The following NECTIN2 variants were observed in gnomAD, a reference collection of about 807,000 sequenced individuals.
NECTIN2 encodes the protein nectin cell adhesion molecule 2.
Under a neutral mutation model 56.9 loss-of-function variants are expected in NECTIN2, and 23 were observed. The observed-to-expected ratio is 0.40, with a 90% CI of 0.29 to 0.57. NECTIN2 has a LOEUF of 0.57. Among genes scored for constraint, NECTIN2 ranks in the 20% least tolerant of loss-of-function variants. NECTIN2 has a pLI of 0.38. For synonymous variants in NECTIN2, 302 were observed against 313.8 expected, an observed-to-expected ratio of 0.96 and a Z score of 0.40; for missense variants, 587 against 718.3, an observed-to-expected ratio of 0.82 and a Z score of 2.09.
In NECTIN2 at chr19:44,864,211, G is replaced by T. The variant is rs575217494; in HGVS notation, c.89-1060G>T. Among the ~76,000 whole-genome samples, 5 of 152,148 alleles carry T rather than the reference G, an allele frequency of 3.3e-5. No homozygotes were observed. In the East Asian group the frequency reaches 9.7e-4, roughly 30 times the overall value. On this transcript the variant is annotated intron_variant, in intron 1 of 8. Transcript: ENST00000252483. ...AAAAAATACAAATTAGCCAGGTGTG[G>T]TGGTACATGCCTGTAGTCCCAGCTT...
intron 3 of NECTIN2, among the ~76,000 whole-genome samples, chr19:44,872,805 TTA>T (rs1599921597): frequency 6.9e-6 from 1 of 145,530 alleles, no homozygotes; most frequent in East Asian, 2.0e-4. Context: ...TATTTATTAT[TTA>T]TTATTATATT....
chr19:44,849,488 T>G, intron 1 of NECTIN2, among the ~76,000 whole-genome samples: 1 of 149,494 alleles, frequency 6.7e-6, no homozygotes, highest in African/African-American at 2.5e-5. Flanking sequence ...GCTGGGCACA[T>G]GGGCCAGCTC....
intron 8 of NECTIN2, among the ~76,000 whole-genome samples, 191 bp from the exon 9 acceptor site, chr19:44,887,919 G>A (rs1319231158): frequency 2.0e-5 from 3 of 152,262 alleles, no homozygotes; most frequent in South Asian, 2.1e-4. Context: ...TGAGTTGCAC[G>A]AGCTGGGCTT....
chr19:44,883,092 AAAG>A (rs1969326198), intron 6 of NECTIN2, among the ~76,000 whole-genome samples: 1 of 152,118 alleles, frequency 6.6e-6, no homozygotes, highest in Non-Finnish European at 1.5e-5. Context: ...GTTGTTAATA[AAAG>A]AAGAAAGGGC....
chr19:44,850,814 T>G (rs1287483861), intron 1 of NECTIN2, among the ~76,000 whole-genome samples: 1 of 152,108 alleles, frequency 6.6e-6, no homozygotes, highest in East Asian at 1.9e-4. Context: ...TACAATTAAT[T>G]AACTGACAAG....
Position 44,875,991 on chromosome 19 carries a change from G to A in NECTIN2, c.1042+1513G>A, listed in dbSNP as rs1969232535. On this transcript the variant is annotated intron_variant, in intron 5 of 8. Transcript: ENST00000252483. This position sits in a 1 kb window ranked among gnomAD's most constrained non-coding sequence, Gnocchi z 4.2. ...GGCAAAACTAATCCAGGACAGCAAC[G>A]GCTGCACACGGAGGAATGTCATCCC... is the stretch of plus-strand genomic sequence containing the variant. 6.6e-6 allele frequency among the ~76,000 whole-genome samples: 1 copy of A among 152,072 alleles called. No individual in the cohort carries two copies. Among genetic ancestry groups the A allele is most frequent in the African/African-American group, 2.4e-5 (1 of 41,376 alleles).
At chr19:44,867,508 C>G (rs909860572) in intron 2 of NECTIN2, among the ~76,000 whole-genome samples, 14 of 152,166 alleles carry the variant, frequency 9.2e-5, no homozygotes, top group African/African-American at 3.1e-4. Context: ...CAAGTCCAGT[C>G]CGGGCAGGAA....
intron 5 of NECTIN2, chr19:44,878,364 GAGGAGC>G: frequency 6.4e-7 from 1 of 1,553,040 alleles, no homozygotes; most frequent in Non-Finnish European, 8.7e-7. Flanking sequence ...AAGAGCCCTG[GAGGAGC>G]AGGAGGAGGA....
chr19:44,862,916 G>A (rs1165681981), intron 1 of NECTIN2, among the ~76,000 whole-genome samples: 3 of 150,962 alleles, frequency 2.0e-5, no homozygotes, highest in African/African-American at 4.9e-5. Flanking sequence ...TTGGGAGCCC[G>A]AGGCGGCAGA....
At chr19:44,879,898 C>G (rs536584932) in intron 5 of NECTIN2, among the ~76,000 whole-genome samples, 1 of 152,172 alleles carries the variant, frequency 6.6e-6, no homozygotes, top group Non-Finnish European at 1.5e-5. Flanking sequence ...GACCCAGTGC[C>G]GTCCTCCGGT....
At chr19:44,855,011 G>C (rs1203230691) in intron 1 of NECTIN2, among the ~76,000 whole-genome samples, 2 of 151,194 alleles carry the variant, frequency 1.3e-5, no homozygotes, top group Non-Finnish European at 2.9e-5. Flanking sequence ...CCAGCTACTC[G>C]GGAGGCTGAG....
intron 3 of NECTIN2, among the ~76,000 whole-genome samples, chr19:44,873,122 A>G (rs941639048): frequency 6.6e-6 from 1 of 151,986 alleles, no homozygotes. Context: ...CAAAATGACC[A>G]CATATCCCAA....
intron 5 of NECTIN2, among the ~76,000 whole-genome samples, chr19:44,877,884 A>G (rs1289347622): frequency 6.6e-6 from 1 of 152,170 alleles, no homozygotes; most frequent in African/African-American, 2.4e-5. Flanking sequence ...CCTAAGAGAA[A>G]CCTGGATTTT....
intron 2 of NECTIN2, among the ~76,000 whole-genome samples, chr19:44,869,409 G>T (rs1218589943): frequency 2.6e-5 from 4 of 151,746 alleles, no homozygotes; most frequent in Admixed American, 6.6e-5. Flanking sequence ...TGGCTAACAC[G>T]GTGAAACCCT....
chr19:44,878,810 A>G, intron 5 of NECTIN2: 2 of 1,383,300 alleles, frequency 1.4e-6, no homozygotes, highest in Non-Finnish European at 1.9e-6. Flanking sequence ...CTAGGGCTGC[A>G]TGGGGAGCCC....
chr19:44,878,603 CG>C, intron 5 of NECTIN2: 1 of 1,601,630 alleles, frequency 6.2e-7, no homozygotes, highest in Non-Finnish European at 8.5e-7. Flanking sequence ...CATCTCACGG[CG>C]GGCAGTTTAT....
Position 44,875,170 on chromosome 19 carries a change from C to T in NECTIN2, c.1042+692C>T, listed in dbSNP as rs150898834. 3.3e-5 allele frequency among the ~76,000 whole-genome samples: 5 copies of T among 152,226 alleles called. No homozygotes were observed. The highest frequency in any genetic ancestry group is 4.8e-5 in the African/African-American group (2 of 41,530). ...CACTCACCTGGATGGTAACCCTGCA[C>T]GCTCAAACCCATTGTCACCAAGACA... On this transcript the variant is annotated intron_variant, in intron 5 of 8. Transcript: ENST00000252483. This position sits in a 1 kb window ranked among gnomAD's most constrained non-coding sequence, Gnocchi z 4.2.
chr19:44,878,279 G>T (rs1016099175), intron 5 of NECTIN2: 35 of 1,204,518 alleles, frequency 2.9e-5, no homozygotes, highest in Non-Finnish European at 4.0e-5. Flanking sequence ...GGCCGTGGGG[G>T]GGACACTGCT....
chr19:44,859,009 C>T (rs1028190849), intron 1 of NECTIN2, among the ~76,000 whole-genome samples: 12 of 152,182 alleles, frequency 7.9e-5, no homozygotes, highest in African/African-American at 2.7e-4. Context: ...CCCAAAGATC[C>T]TCGGCCTGTC....
Sources: allele counts gnomAD v4.1 joint callset (sites outside exome capture counted in the v4.1 genomes callset), GRCh38; gene constraint gnomAD v4.1.1; non-coding constraint Gnocchi (gnomAD v3.1); transcripts MANE v1.5; gene names NCBI Gene and HGNC (gene_info 2026-07-23, HGNC 2026-07-21).